The following CLHC1 variants were observed in gnomAD, a reference collection of about 807,000 sequenced individuals.
CLHC1 encodes the protein clathrin heavy chain linker domain containing 1, also known as clathrin heavy chain linker domain-containing protein 1.
A neutral mutation model predicts 69.5 loss-of-function variants in CLHC1; 72 were observed. The ratio of observed to expected loss-of-function variants is 1.04; its 90% CI spans 0.86 to 1.26. The LOEUF is 1.26. CLHC1 is among the 50% of genes most tolerant of loss of function. The pLI is 0.00. For synonymous variants in CLHC1, 223 were observed against 224.3 expected, an observed-to-expected ratio of 0.99 and a Z score of 0.05; for missense variants, 790 against 679.3, an observed-to-expected ratio of 1.16 and a Z score of -1.81.
At chr2:55,232,501 A>G (rs1269516079), upstream of CLHC1, 2 of 449,710 alleles carry the variant, frequency 4.4e-6, no homozygotes, top group Non-Finnish European at 8.3e-6. Context: ...CAGTTTCGAA[A>G]GCATTCCGAA....
intron 9 of CLHC1, among the ~76,000 whole-genome samples, chr2:55,183,507 T>C (rs974127631): frequency 6.6e-6 from 1 of 152,192 alleles, no homozygotes; most frequent in Admixed American, 6.5e-5. Flanking sequence ...AAACCAGGTA[T>C]GAAATAAAAA....
chr2:55,182,858 T>A (rs1573600442), intron 9 of CLHC1, among the ~76,000 whole-genome samples: 1 of 152,258 alleles, frequency 6.6e-6, no homozygotes, highest in South Asian at 2.1e-4. Context: ...TGAGAGAGTC[T>A]TTGGGGGTAC....
At chr2:55,198,376 A>C (rs1671622652) in intron 9 of CLHC1, among the ~76,000 whole-genome samples, 1 of 152,190 alleles carries the variant, frequency 6.6e-6, no homozygotes, top group South Asian at 2.1e-4. Flanking sequence ...ACCTGAGGTC[A>C]GGAGTTTGAG....
chr2:55,178,415 T>G (rs536408642), intron 11 of CLHC1, among the ~76,000 whole-genome samples: 1 of 152,304 alleles, frequency 6.6e-6, no homozygotes, highest in South Asian at 2.1e-4. Flanking sequence ...TCCATATGGG[T>G]TAATCTCTAT....
At chr2:55,206,062 A>C (rs558234195) in intron 9 of CLHC1, among the ~76,000 whole-genome samples, 1 of 152,346 alleles carries the variant, frequency 6.6e-6, no homozygotes, top group Admixed American at 6.5e-5. Context: ...ATGTTTCTCC[A>C]TACTTTTCTG....
chr2:55,176,030 T>C (rs370854612), intron 12 of CLHC1, 44 bp from the exon 13 acceptor site: 10 of 1,463,264 alleles, frequency 6.8e-6, no homozygotes, highest in Middle Eastern at 3.5e-4. Context: ...ACTTATTTGA[T>C]AATCTATACT....
At chr2:55,204,374 T>C (rs951596280) in intron 9 of CLHC1, among the ~76,000 whole-genome samples, 10 of 152,184 alleles carry the variant, frequency 6.6e-5, no homozygotes, top group Admixed American at 1.3e-4. Context: ...CTCCACATCA[T>C]TGATCATTAG....
At chr2:55,227,659 T>C (rs370591930) in intron 2 of CLHC1, among the ~76,000 whole-genome samples, 15 of 120,894 alleles carry the variant, frequency 1.2e-4, no homozygotes, top group Non-Finnish European at 2.0e-4. Context: ...GCCTGGGCAA[T>C]AGAGCAAGAC....
At chr2:55,229,649 T>C (rs1675070790) in intron 1 of CLHC1, among the ~76,000 whole-genome samples, 1 of 152,242 alleles carries the variant, frequency 6.6e-6, no homozygotes, top group Admixed American at 6.5e-5. Context: ...AACACTGGAC[T>C]GTGGCCTCTA....
intron 9 of CLHC1, among the ~76,000 whole-genome samples, chr2:55,188,089 G>A (rs2103751720): frequency 6.6e-6 from 1 of 152,242 alleles, no homozygotes; most frequent in Admixed American, 6.5e-5. Context: ...CAAGGTGGGA[G>A]GATGGCTTAA....
intron 2 of CLHC1, among the ~76,000 whole-genome samples, chr2:55,223,369 T>A (rs1674345179): frequency 6.6e-6 from 1 of 152,162 alleles, no homozygotes; most frequent in South Asian, 2.1e-4. Flanking sequence ...TTTCAGAGTA[T>A]AGCTTTCAAG....
chr2:55,199,168 G>A (rs1447111712), intron 9 of CLHC1, among the ~76,000 whole-genome samples: 2 of 151,686 alleles, frequency 1.3e-5, no homozygotes, highest in East Asian at 1.9e-4. Flanking sequence ...GTGGCAGGGT[G>A]CACCTGTAGT....
intron 9 of CLHC1, among the ~76,000 whole-genome samples, chr2:55,189,565 G>A (rs1024560328): frequency 2.0e-5 from 3 of 152,180 alleles, no homozygotes; most frequent in African/African-American, 7.2e-5. Context: ...GTACAAAGAT[G>A]GAGAAGCCAG....
At chr2:55,217,566 T>C (rs1436442021) in intron 4 of CLHC1, among the ~76,000 whole-genome samples, 8 of 104,288 alleles carry the variant, frequency 7.7e-5, no homozygotes, top group African/African-American at 1.1e-4. Context: ...TATATATATA[T>C]ATATATATAT....
chr2:55,224,220 TCA>T, intron 2 of CLHC1: 1 of 303,354 alleles, frequency 3.3e-6, no homozygotes. Flanking sequence ...CGAAGGGAGG[TCA>T]CAGCCAGGAG....
At chr2:55,199,194 G>A (rs1209724304) in intron 9 of CLHC1, among the ~76,000 whole-genome samples, 1 of 150,422 alleles carries the variant, frequency 6.6e-6, no homozygotes, top group South Asian at 2.1e-4. Flanking sequence ...CTATTTGGGA[G>A]GCTGAGGCAG....
chr2:55,199,386 G>A (rs1043304959), intron 9 of CLHC1, among the ~76,000 whole-genome samples: 2 of 150,456 alleles, frequency 1.3e-5, no homozygotes, highest in African/African-American at 4.9e-5. Context: ...AGAAATTAAA[G>A]GTACAAAACT....
At chr2:55,191,799 C>CA (rs1490575312) in intron 9 of CLHC1, among the ~76,000 whole-genome samples, 2 of 151,360 alleles carry the variant, frequency 1.3e-5, no homozygotes, top group Non-Finnish European at 2.9e-5. Context: ...AAAAAGGTTT[C>CA]AAAAAAAAAG....
chr2:55,189,968 C>T (rs1468290741), intron 9 of CLHC1, among the ~76,000 whole-genome samples: 1 of 152,154 alleles, frequency 6.6e-6, no homozygotes, highest in Non-Finnish European at 1.5e-5. Flanking sequence ...AGAAGGATCA[C>T]ATTGCTTCCA....
Sources: allele counts gnomAD v4.1 joint callset (sites outside exome capture counted in the v4.1 genomes callset), GRCh38; gene constraint gnomAD v4.1.1; transcripts MANE v1.5; gene names NCBI Gene and HGNC (gene_info 2026-07-23, HGNC 2026-07-21).